The following HDAC6 variants were observed in gnomAD, a reference collection of about 807,000 sequenced individuals.
HDAC6 encodes the protein protein deacetylase HDAC6.
In HDAC6, 5 loss-of-function variants were observed where a neutral mutation model predicts 88.9. That is an observed-to-expected ratio of 0.06 (90% CI 0.03 to 0.12). HDAC6 has a LOEUF of 0.12. Ranked by LOEUF, HDAC6 falls within the 10% of genes least tolerant of loss-of-function variation. The pLI, the probability that HDAC6 is intolerant of heterozygous loss-of-function variation, is 1.00. For synonymous variants in HDAC6, 378 were observed against 398.0 expected (o/e 0.95, Z 0.60); for missense variants, 706 against 1,014.4 (o/e 0.70, Z 4.13).
Position 48,824,592 on chromosome X carries a change from G to C in HDAC6, c.3628G>C (p.Asp1210His). 1 of 1,210,218 alleles carries C rather than the reference G, an allele frequency of 8.3e-7. No individual in the cohort carries two copies. Among genetic ancestry groups the C allele is most frequent in the Middle Eastern group, 2.3e-4 (1 of 4,347 alleles). ...NIAHQNKFGEDMPHPH is the reference protein window; with the variant it reads ...NIAHQNKFGEHMPHPH ...CGCCCACCAGAACAAGTTTGGGGAG[G>C]ATATGCCCCACCCACACTAAGCCCC... Residue 1210 changes from aspartate to histidine, a missense_variant, in exon 29 of 29, where the codon GAT (aspartate) becomes CAT (histidine). Physicochemically the swap from Asp to His is moderately conservative, Grantham distance 81. Coordinates refer to ENST00000334136, the MANE Select transcript of HDAC6 (RefSeq NM_006044.4).
chrX:48,814,954 C>G lies in HDAC6; in HGVS notation c.1060-8C>G, dbSNP rs1557026987. 8.3e-7 allele frequency: 1 copy of G among 1,208,757 alleles called. No individual in the cohort carries two copies. The highest frequency in any genetic ancestry group is 1.8e-5 in the South Asian group (1 of 56,767). ...ATGGAGCCAGGCTGACCCTCCATGT[C>G]CCCCCAGGGTGAGATGGCCGCCACT... On this transcript the variant is annotated splice_polypyrimidine_tract_variant and splice_region_variant and intron_variant, in intron 13 of 28. Transcript: ENST00000334136.
rs782341889 is a variant in HDAC6 at position 48,814,929 on chromosome X, A to G, written c.1060-33A>G. Reference sequence around the variant, plus strand: ...CTCCCTGGGGCGGCAGGTGGGTTGCATGGAGCCAGGCTGACCCTCCATGTC... The same window carrying G: ...CTCCCTGGGGCGGCAGGTGGGTTGCGTGGAGCCAGGCTGACCCTCCATGTC... On this transcript the variant is annotated intron_variant, in intron 13 of 28. Coordinates refer to ENST00000334136, the MANE Select transcript of HDAC6 (RefSeq NM_006044.4). 4 of 1,209,893 alleles carry G rather than the reference A, an allele frequency of 3.3e-6. No individual in the cohort carries two copies. The South Asian group carries it at 7.0e-5, about 21-fold the overall frequency.
chrX:48,818,504 C>A, intron 22 of HDAC6, 92 bp downstream of exon 22: 1 of 755,982 alleles, frequency 1.3e-6, no homozygotes, highest in Non-Finnish European at 1.9e-6. Flanking sequence ...TGTGTGACTA[C>A]CATGTGGCTG....
At chrX:48,814,328 G>C in intron 10 of HDAC6, 112 bp from the exon 11 acceptor site, 1 of 711,186 alleles carries the variant, frequency 1.4e-6, no homozygotes, top group Non-Finnish European at 2.1e-6. Context: ...GAGAATGAAC[G>C]AGTGGTTGAA....
chrX:48,819,675 C>G (rs1396489323), intron 22 of HDAC6: 1 of 244,841 alleles, frequency 4.1e-6, no homozygotes, highest in African/African-American at 2.9e-5. Flanking sequence ...TCCTGCGTAG[C>G]TGGGACTACA....
At position 48,813,412 on chromosome X, in the gene HDAC6, C is replaced by G. The variant is rs1203944218; in HGVS notation, c.807-1028C>G. 2.7e-5 allele frequency: 3 copies of G among 112,136 alleles called. No homozygotes were observed. The Admixed American group carries it at 2.8e-4, about 11-fold the overall frequency. 9.2% of individuals were successfully genotyped at this position (112,136 alleles called of 1,213,427 possible). On this transcript the variant is annotated intron_variant, in intron 10 of 28. Coordinates refer to ENST00000334136, the MANE Select transcript of HDAC6 (RefSeq NM_006044.4). The stretch of plus-strand genomic sequence containing the variant: ...TTTAAGAATCTTTCTATATCACTTG[C>G]ATTAAATTTCACAACTACATTATCA...
At position 48,805,657 on chromosome X, in the gene HDAC6, G is replaced by A. The variant is rs2062805256; in HGVS notation, c.423G>A (p.Leu141=). 2.6e-6 allele frequency: 3 copies of A among 1,173,040 alleles called. No individual in the cohort carries two copies. Among genetic ancestry groups the A allele is most frequent in the Admixed American group, 5.0e-5 (2 of 39,917 alleles). Residue 141 remains leucine (L), a synonymous_variant, in exon 6 of 29, where the codon CTG becomes CTA. Coordinates refer to ENST00000334136, the MANE Select transcript of HDAC6 (RefSeq NM_006044.4). ...FQARFAEKEE[L]MLVHSLEYID... ...CCCGGTTTGCTGAAAAGGAAGAGCT[G>A]ATGTTGGTTCACAGGTGAAGGCTTG... is the stretch of plus-strand genomic sequence containing the variant.
At chrX:48,818,526 C>T in intron 22 of HDAC6, 114 bp downstream of exon 22, 1 of 616,012 alleles carries the variant, frequency 1.6e-6, no homozygotes, top group Non-Finnish European at 2.5e-6. Flanking sequence ...TGATATGAGA[C>T]AGCGCATGGG....
intron 10 of HDAC6, chrX:48,813,234 C>T (rs1170200003): frequency 7.1e-5 from 8 of 112,153 alleles, no homozygotes; most frequent in Admixed American, 4.7e-4. Context: ...TTATGTCCTA[C>T]TGTGTTTCTC....
intron 22 of HDAC6, chrX:48,819,880 G>C (rs782707910): frequency 5.6e-4 from 276 of 495,363 alleles, no homozygotes; most frequent in Non-Finnish European, 3.7e-4. Context: ...CTCTAAGTCT[G>C]CATCTATTTC....
rs371304801 is a variant in HDAC6, at chrX:48,803,032, A to G, written c.222+33A>G. The G allele has an allele frequency of 3.2e-5, 39 of 1,204,825 alleles. 1 individual carries two copies. The African/African-American group carries it at 3.5e-4, about 11-fold the overall frequency. On this transcript the variant is annotated intron_variant, in intron 3 of 28. Coordinates refer to ENST00000334136, the MANE Select transcript of HDAC6 (RefSeq NM_006044.4). ...GGGCCTGGCTGCAGTTTAGCCTCGT[A>G]TGACAATCAAAACCCAAAGGTTCCC... is the stretch of plus-strand genomic sequence containing the variant.
intron 16 of HDAC6, 115 bp downstream of exon 16, chrX:48,815,757 CCT>C: frequency 2.7e-5 from 27 of 1,012,415 alleles, no homozygotes; most frequent in Non-Finnish European, 3.2e-5. Context: ...AGGGTCAGGC[CCT>C]CTCTCTCTCC....
chrX:48,816,775 T>A, intron 19 of HDAC6, 142 bp downstream of exon 19: 2 of 445,121 alleles, frequency 4.5e-6, no homozygotes, highest in Non-Finnish European at 7.2e-6. Context: ...GGGGTGGGCC[T>A]AGAGGCTGGG....
Position 48,816,652 on chromosome X carries a change from G to A in HDAC6, c.1791+19G>A, listed in dbSNP as rs377117130. ...AGGAGAGGTGTGTCCTCTGTGGGCT[G>A]GGGAGAGGAGGACCTGGGGGGAATG... On this transcript the variant is annotated intron_variant, in intron 19 of 28. Transcript: ENST00000334136. 2 of 1,183,440 alleles carry A rather than the reference G, an allele frequency of 1.7e-6. No homozygotes were observed. Among genetic ancestry groups the A allele is most frequent in the Non-Finnish European group, 1.1e-6 (1 of 876,042 alleles).
rs782703824 is a variant in HDAC6, at chrX:48,824,568, G to A, written c.3604G>A (p.Ala1202Thr). 20 of 1,207,492 alleles carry A rather than the reference G, an allele frequency of 1.7e-5. No homozygotes were observed. Among genetic ancestry groups the A allele is most frequent in the Non-Finnish European group, 2.0e-5 (18 of 894,204 alleles). The change falls in exon 29 of 29, where the codon GCC becomes ACC. Residue 1202 changes from alanine (A) to threonine (T), a missense_variant. Around this residue, in one of 9 missense-constraint regions of HDAC6, gnomAD observed 36 missense variants for 35.5 expected, o/e 1.01. Transcript: ENST00000334136. ...GGCTCTCCTAGATGTGAAGAACATC[G>A]CCCACCAGAACAAGTTTGGGGAGGA... ...HQALLDVKNI[A>T]HQNKFGEDMP...
intron 10 of HDAC6, among the ~76,000 whole-genome samples, chrX:48,810,435 T>A (rs2062883491): frequency 9.0e-6 from 1 of 111,209 alleles, no homozygotes; most frequent in African/African-American, 3.3e-5. Flanking sequence ...GTAGACATTT[T>A]ACATCTGAAG....
chrX:48,819,884 C>G (rs1557029108), intron 22 of HDAC6: 4 of 500,266 alleles, frequency 8.0e-6, no homozygotes, highest in African/African-American at 6.9e-5. Flanking sequence ...AAGTCTGCAT[C>G]TATTTCTTCT....
Position 48,824,793 on chromosome X carries a change from T to G in HDAC6, c.*181T>G. The stretch of plus-strand genomic sequence containing the variant: ...CTTTTAAGAGAACTGCGACGATTAA[T>G]TGTGGATCTCCCCCTGCCCATTGCC... On this transcript the variant is annotated 3_prime_UTR_variant, in exon 29 of 29. Transcript: ENST00000334136. The G allele has an allele frequency of 3.6e-6, 4 of 1,101,550 alleles. No homozygotes were observed. Among genetic ancestry groups the G allele is most frequent in the Non-Finnish European group, 4.7e-6 (4 of 845,569 alleles). The allele number at this position is 1,101,550 out of a possible 1,213,427, so 90.8% of individuals were successfully genotyped here.
rs781807565 is a variant in HDAC6 at position 48,815,934 on chromosome X, G to A, written c.1375G>A (p.Glu459Lys). Residue 459 changes from glutamate (E) to lysine (K), a missense_variant, in exon 17 of 29, where the codon GAG becomes AAG. Transcript: ENST00000334136. ...GGAGGAGGACAATGTAGAGGAGAGC[G>A]AGGAGGAAGGACCCTGGGAGCCCCC... The part of the protein sequence containing the change: ...NMEEDNVEES[E>K]EEGPWEPPVL... 5.0e-6 allele frequency: 6 copies of A among 1,210,803 alleles called. No homozygotes were observed. In the Admixed American group the frequency reaches 6.5e-5, roughly 13 times the overall value.
Sources: gnomAD v4.1 joint callset for allele counts (sites outside exome capture counted in the v4.1 genomes callset) on GRCh38, gnomAD v4.1.1 for gene constraint, gnomAD v4.1.1 regional missense constraint, MANE v1.5 for transcripts, NCBI Gene and HGNC (gene_info 2026-07-23, HGNC 2026-07-21) for gene names.